DNAH9: variants seen among roughly 807,000 people sequenced by gnomAD.
DNAH9 encodes dynein axonemal heavy chain 9, also known as DNAH9 variant protein.
In DNAH9, 345 loss-of-function variants were observed where a neutral mutation model predicts 471.6. The ratio of observed to expected loss-of-function variants is 0.73; its 90% CI spans 0.67 to 0.80. The LOEUF (loss-of-function observed/expected upper bound fraction) is 0.80. Among genes scored for constraint, DNAH9 ranks in the 30% least tolerant of loss-of-function variants. The pLI, the probability that DNAH9 is intolerant of heterozygous loss-of-function variation, is 0.00. For missense variants in DNAH9, 5,407 were observed against 5,609.2 expected, an observed-to-expected ratio of 0.96 and a Z score of 1.15; for synonymous variants, 2,093 against 2,123.6, an observed-to-expected ratio of 0.99 and a Z score of 0.40.
chr17:11,756,842 C>T (rs559833270), intron 34 of DNAH9, among the ~76,000 whole-genome samples, 166 bp downstream of exon 34: 284 of 152,252 alleles, frequency 1.9e-3, no homozygotes, highest in Non-Finnish European at 2.9e-3. Context: ...AGGGAAATGG[C>T]TTTTGAGCTG....
At chr17:11,836,823 A>G (rs1213859382) in intron 49 of DNAH9, among the ~76,000 whole-genome samples, 1 of 152,228 alleles carries the variant, frequency 6.6e-6, no homozygotes, top group African/African-American at 2.4e-5. Context: ...ATTCCTTGCC[A>G]AGAAGACAAA....
Position 11,961,877 on chromosome 17 carries a change from C to A in DNAH9, c.12854C>A (p.Thr4285Asn). Residue 4285 changes from threonine (T) to asparagine (N), a missense_variant, in exon 68 of 69, where the codon ACT (threonine) becomes AAT (asparagine). Physicochemically the swap from Thr to Asn is moderately conservative, Grantham distance 65. This residue lies in a region of DNAH9 where 4,636 missense variants were observed against 4,900.3 expected (regional missense o/e 0.95). Transcript: ENST00000262442. ...ELELGLKGEL[T>N]MTSHMENLQN... ...ATTCTTTATCTTCAGGGGGAGCTGA[C>A]TATGACCAGCCACATGGAGAACTTA... 6.2e-7 allele frequency: 1 copy of A among 1,607,596 alleles called. No individual in the cohort carries two copies. The highest frequency in any genetic ancestry group is 1.1e-5 in the South Asian group (1 of 90,450).
Position 11,669,654 on chromosome 17 carries a change from G to A in DNAH9, c.3213G>A (p.Glu1071=). ...QIDSYETLYE[E]VCRLEPIKVF... ...ACTCCTATGAAACGCTCTATGAAGA[G>A]GTGTGCAGGCTGGAACCCATCAAGG... is the stretch of plus-strand genomic sequence containing the variant. The change falls in exon 17 of 69, where the codon GAG becomes GAA. Residue 1071 remains glutamate (E), a synonymous_variant. Coordinates refer to ENST00000262442, the MANE Select transcript of DNAH9 (RefSeq NM_001372.4). 1 of 1,614,150 alleles carries A rather than the reference G, an allele frequency of 6.2e-7. No individual in the cohort carries two copies. The highest frequency in any genetic ancestry group is 8.5e-7 in the Non-Finnish European group (1 of 1,180,026).
intron 50 of DNAH9, among the ~76,000 whole-genome samples, chr17:11,854,691 T>A (rs554365686): frequency 1.3e-5 from 2 of 152,338 alleles, no homozygotes; most frequent in South Asian, 4.1e-4. Flanking sequence ...AACAAAAGGT[T>A]AAAATTTTGA....
In DNAH9 at chr17:11,822,987, GA is replaced by G. The variant is rs759363941; in HGVS notation, c.9200del (p.Glu3067GlyfsTer8). On this transcript the variant is annotated frameshift_variant, in exon 48 of 69. Coordinates refer to ENST00000262442, the MANE Select transcript of DNAH9 (RefSeq NM_001372.4). LOFTEE classifies it high-confidence loss of function. The stretch of plus-strand genomic sequence containing the variant: ...CAGAAAAGAGCTCAAGTGCAAGACA[GA>G]GCGGTTGGAGAACGGGCTGCTGAAG... ...RHRKELKCKT[E>X]RLENGLLKLH... 5.0e-6 allele frequency: 8 copies of G among 1,614,072 alleles called. No individual in the cohort carries two copies. In the African/African-American group the frequency reaches 1.1e-4, roughly 22 times the overall value.
At chr17:11,924,616 CTTTTTTTTTTTTTTTTTTTTT>C (rs756191140) in intron 62 of DNAH9, among the ~76,000 whole-genome samples, 1 of 91,956 alleles carries the variant, frequency 1.1e-5, no homozygotes, top group Non-Finnish European at 2.0e-5. Flanking sequence ...ACTACTAACT[CTTTTTTTTTTTTTTTTTTTTT>C]TTTTGAGATG....
At chr17:11,743,036 T>C (rs2075455290) in intron 30 of DNAH9, among the ~76,000 whole-genome samples, 1 of 152,166 alleles carries the variant, frequency 6.6e-6, no homozygotes, top group Non-Finnish European at 1.5e-5. Flanking sequence ...AAACCTCTCT[T>C]CTGAGCTCTA....
At chr17:11,799,576 G>T (rs11650055) in intron 43 of DNAH9, among the ~76,000 whole-genome samples, 65,973 of 151,340 alleles carry the variant, frequency 0.44, 14,769 homozygotes, top group Non-Finnish European at 0.49. Context: ...GGGCTAGACC[G>T]CACTGTCTTT....
chr17:11,713,418 A>G (rs1210527257), intron 26 of DNAH9, among the ~76,000 whole-genome samples: 1 of 152,100 alleles, frequency 6.6e-6, no homozygotes, highest in Non-Finnish European at 1.5e-5. Context: ...GTATATACCC[A>G]GTAATGGGAT....
At chr17:11,770,711 A>G (rs1322312600) in intron 38 of DNAH9, among the ~76,000 whole-genome samples, 1 of 152,250 alleles carries the variant, frequency 6.6e-6, no homozygotes, top group Non-Finnish European at 1.5e-5. Context: ...AGATGTAAAC[A>G]TCTTCTATTC....
chr17:11,930,286 A>C (rs989267365), intron 63 of DNAH9, among the ~76,000 whole-genome samples, 193 bp downstream of exon 63: 4 of 152,148 alleles, frequency 2.6e-5, no homozygotes, highest in Non-Finnish European at 5.9e-5. Flanking sequence ...AGATAACCCC[A>C]GGGGAGTAGA....
At chr17:11,753,003 G>A (rs556415191) in intron 33 of DNAH9, 43 bp downstream of exon 33, 2 of 1,480,618 alleles carry the variant, frequency 1.4e-6, no homozygotes, top group East Asian at 2.4e-5. Context: ...CTAATCACCT[G>A]TGAAACCAGT....
chr17:11,600,916 T>C (rs2072372450), intron 1 of DNAH9, among the ~76,000 whole-genome samples: 1 of 152,202 alleles, frequency 6.6e-6, no homozygotes, highest in Non-Finnish European at 1.5e-5. Context: ...TCCTCAGAAC[T>C]GCCCCGTCCA....
chr17:11,598,581 T>C lies in DNAH9; in HGVS notation c.83T>C (p.Leu28Pro). ...GGCGCCGACCGACGACTGCGACTCC[T>C]GGGGACCTACGTGGCCATGAGCCTG... ...EPGADRRLRL[L>P]GTYVAMSLRP... Residue 28 changes from leucine to proline, a missense_variant, in exon 1 of 69, where the codon CTG (leucine) becomes CCG (proline). Coordinates refer to ENST00000262442, the MANE Select transcript of DNAH9 (RefSeq NM_001372.4). 7.5e-7 allele frequency: 1 copy of C among 1,336,366 alleles called. No individual in the cohort carries two copies. The highest frequency in any genetic ancestry group is 1.6e-5 in the South Asian group (1 of 61,272). The allele number at this position is 1,336,366 out of a possible 1,614,324, so 82.8% of individuals were successfully genotyped here. A position where few individuals can be genotyped will look rare whatever the true frequency, so the allele number is the denominator to read the frequency against.
At chr17:11,829,710 T>G (rs554683794) in intron 48 of DNAH9, among the ~76,000 whole-genome samples, 7 of 152,300 alleles carry the variant, frequency 4.6e-5, no homozygotes, top group African/African-American at 1.4e-4. Context: ...TGGCCTCAGG[T>G]GATCCTCCCG....
intron 30 of DNAH9, 111 bp from the exon 31 acceptor site, chr17:11,744,686 C>A: frequency 1.1e-6 from 1 of 927,494 alleles, no homozygotes; most frequent in Non-Finnish European, 1.6e-6. Flanking sequence ...ACGTCTCTGT[C>A]CAGGCTTCAG....
In DNAH9 at chr17:11,689,734, G is replaced by C. The variant is rs1162840372; in HGVS notation, c.3912G>C (p.Glu1304Asp). 61 of 1,614,092 alleles carry C rather than the reference G, an allele frequency of 3.8e-5. No homozygotes were observed. Among genetic ancestry groups the C allele is most frequent in the Non-Finnish European group, 5.2e-5 (61 of 1,180,036 alleles). ...GGAAGGAGGTCTGCCAGCTGAAGGAGCTCTGGGACACCATTGGAATGGTGA... is the reference window on the plus strand; with the variant it reads ...GGAAGGAGGTCTGCCAGCTGAAGGACCTCTGGGACACCATTGGAATGGTGA... ...QCRKEVCQLK[E>D]LWDTIGMVTS... is the part of the protein sequence containing the mutation. The change falls in exon 20 of 69, where the codon GAG (glutamate) becomes GAC (aspartate). Residue 1304 changes from glutamate (E) to aspartate (D), a missense_variant. By Grantham distance (45) the Glu-to-Asp change is conservative. Around this residue, in one of 3 missense-constraint regions of DNAH9, gnomAD observed 4,636 missense variants for 4,900.3 expected, o/e 0.95. Coordinates refer to ENST00000262442, the MANE Select transcript of DNAH9 (RefSeq NM_001372.4).
intron 1 of DNAH9, 92 bp from the exon 2 acceptor site, chr17:11,608,037 A>G (rs2150635246): frequency 2.0e-6 from 2 of 975,700 alleles, no homozygotes; most frequent in East Asian, 2.4e-5. Flanking sequence ...AAAAGGTTGT[A>G]TATAGCTTTA....
chr17:11,757,728 C>T, intron 35 of DNAH9, 36 bp downstream of exon 35: 1 of 1,608,108 alleles, frequency 6.2e-7, no homozygotes, highest in Non-Finnish European at 8.5e-7. Flanking sequence ...AGAGTTAAAG[C>T]AGCAATAAAA....
Sources: gnomAD v4.1 joint callset for allele counts (sites outside exome capture counted in the v4.1 genomes callset) on GRCh38, gnomAD v4.1.1 for gene constraint, gnomAD v4.1.1 regional missense constraint, MANE v1.5 for transcripts, NCBI Gene and HGNC (gene_info 2026-07-23, HGNC 2026-07-21) for gene names.